The following THADA variants were observed in gnomAD, a reference collection of about 807,000 sequenced individuals.
THADA encodes THADA armadillo repeat containing, also known as tRNA (32-2'-O)-methyltransferase regulator THADA.
In THADA, 213 loss-of-function variants were observed where a neutral mutation model predicts 219.8. That is an observed-to-expected ratio of 0.97 (90% CI 0.87 to 1.09). The LOEUF is 1.09. Among genes scored for constraint, THADA ranks in the 50% least tolerant of loss-of-function variants. The pLI, the probability that THADA is intolerant of heterozygous loss-of-function variation, is 0.00. For synonymous variants in THADA, 1,018 were observed against 828.9 expected (o/e 1.23, Z -3.92); for missense variants, 2,956 against 2,311.3 (o/e 1.28, Z -5.72).
chr2:43,435,193 G>A (rs1406886819), intron 26 of THADA, among the ~76,000 whole-genome samples: 3 of 152,192 alleles, frequency 2.0e-5, no homozygotes, highest in African/African-American at 4.8e-5. Context: ...AGCGGCTCAC[G>A]ACTGTAATCC....
rs573866685 is a variant in THADA, at chr2:43,557,135, T to C, written c.2464-580A>G. 1.5e-3 allele frequency among the ~76,000 whole-genome samples: 234 copies of C among 152,240 alleles called. 4 individuals are homozygous for C. Among genetic ancestry groups the C allele is most frequent in the Admixed American group, 3.7e-3 (57 of 15,280 alleles). The stretch of plus-strand genomic sequence containing the variant: ...CAAAACAACACAGCCTGGCATATAA[T>C]TGTAAGTCAATATAAACATTAGTTT... On this transcript the variant is annotated intron_variant, in intron 16 of 37. Transcript: ENST00000405975.
intron 28 of THADA, among the ~76,000 whole-genome samples, chr2:43,408,619 A>C (rs376159161): frequency 3.9e-5 from 6 of 152,178 alleles, no homozygotes; most frequent in African/African-American, 1.2e-4. Flanking sequence ...ACATCCTCAA[A>C]TTAAAATATG....
intron 35 of THADA, 42 bp downstream of exon 35, chr2:43,286,866 A>G (rs1674082505): frequency 6.3e-7 from 1 of 1,584,436 alleles, no homozygotes; most frequent in African/African-American, 1.3e-5. Flanking sequence ...TTCATATTTT[A>G]AGTGAGTTTG....
chr2:43,406,097 C>A (rs149674429), intron 28 of THADA, among the ~76,000 whole-genome samples: 26 of 152,354 alleles, frequency 1.7e-4, no homozygotes, highest in African/African-American at 6.3e-4. Flanking sequence ...CCTCCATCAT[C>A]TGGACATCCC....
At chr2:43,558,497 A>G (rs1214529863) in intron 16 of THADA, among the ~76,000 whole-genome samples, 1 of 152,228 alleles carries the variant, frequency 6.6e-6, no homozygotes, top group East Asian at 1.9e-4. Flanking sequence ...AGGCAGATCC[A>G]TCCTCCACCT....
At chr2:43,268,110 T>C (rs1165378976) in intron 36 of THADA, among the ~76,000 whole-genome samples, 1 of 152,224 alleles carries the variant, frequency 6.6e-6, no homozygotes, top group African/African-American at 2.4e-5. Flanking sequence ...TCTCTGCCTC[T>C]GCTCCTGTAG....
At chr2:43,560,176 T>C (rs533610827) in intron 16 of THADA, 58 bp downstream of exon 16, 1 of 1,459,946 alleles carries the variant, frequency 6.8e-7, no homozygotes, top group South Asian at 1.3e-5. Flanking sequence ...GATTGCTTTA[T>C]CTGCTGATAG....
chr2:43,540,148 G>A (rs768419389), intron 21 of THADA, among the ~76,000 whole-genome samples: 2 of 152,218 alleles, frequency 1.3e-5, no homozygotes, highest in African/African-American at 4.8e-5. Flanking sequence ...CAGCAAAGAT[G>A]TTGGCATTGG....
intron 12 of THADA, 116 bp from the exon 13 acceptor site, chr2:43,571,978 A>T: frequency 1.2e-6 from 1 of 864,492 alleles, no homozygotes; most frequent in Non-Finnish European, 1.8e-6. Flanking sequence ...TCAGTTCACC[A>T]ATAGGTACCT....
intron 22 of THADA, among the ~76,000 whole-genome samples, chr2:43,526,607 A>C (rs6726643): frequency 0.11 from 16,115 of 152,180 alleles, 934 homozygotes; most frequent in African/African-American, 0.14. Context: ...TATCTTGTTC[A>C]AGTGTGTCGG....
intron 28 of THADA, among the ~76,000 whole-genome samples, chr2:43,410,342 T>C (rs1265567581): frequency 6.6e-6 from 1 of 152,168 alleles, no homozygotes; most frequent in Non-Finnish European, 1.5e-5. Context: ...TCTTAACAAG[T>C]TAAATATATA....
chr2:43,322,843 G>T (rs1411549227), intron 30 of THADA, among the ~76,000 whole-genome samples: 1 of 151,354 alleles, frequency 6.6e-6, no homozygotes, highest in African/African-American at 2.4e-5. Context: ...CCGCCGCCAC[G>T]CCCGGCTAAT....
chr2:43,291,458 A>C (rs1371219684), intron 34 of THADA, among the ~76,000 whole-genome samples: 1 of 138,824 alleles, frequency 7.2e-6, no homozygotes, highest in Non-Finnish European at 1.6e-5. Context: ...CCATCTCAAA[A>C]AAAAAAAAAA....
At chr2:43,282,992 G>C (rs1323258615) in intron 35 of THADA, among the ~76,000 whole-genome samples, 1 of 152,196 alleles carries the variant, frequency 6.6e-6, no homozygotes, top group East Asian at 1.9e-4. Context: ...TGTTGAATTG[G>C]AGTGGATGGT....
intron 1 of THADA, among the ~76,000 whole-genome samples, chr2:43,595,383 G>C (rs1286235745): frequency 6.6e-6 from 1 of 152,324 alleles, no homozygotes; most frequent in South Asian, 2.1e-4. Context: ...CGCTTCCTAA[G>C]AAAGTGACCA....
intron 36 of THADA, among the ~76,000 whole-genome samples, chr2:43,270,888 G>A (rs562164812): frequency 1.3e-4 from 20 of 152,194 alleles, no homozygotes; most frequent in African/African-American, 4.6e-4. Flanking sequence ...ATAAAATGGA[G>A]GAAATAATAA....
At chr2:43,375,725 C>G (rs949120114) in intron 29 of THADA, among the ~76,000 whole-genome samples, 8 of 152,286 alleles carry the variant, frequency 5.3e-5, no homozygotes, top group African/African-American at 1.9e-4. Flanking sequence ...GCTGGTTATT[C>G]TGACTTTCCT....
chr2:43,352,202 G>C (rs140566452), intron 29 of THADA, among the ~76,000 whole-genome samples: 189 of 152,188 alleles, frequency 1.2e-3, no homozygotes, highest in African/African-American at 4.4e-3. Context: ...TTCAACTACC[G>C]AGTTTTCTGA....
intron 26 of THADA, among the ~76,000 whole-genome samples, chr2:43,482,520 G>C (rs1479730359): frequency 1.3e-5 from 2 of 152,082 alleles, no homozygotes; most frequent in Admixed American, 1.3e-4. Flanking sequence ...TTACAGAGAA[G>C]AAAACCAAAG....
Sources: allele counts gnomAD v4.1 joint callset (sites outside exome capture counted in the v4.1 genomes callset), GRCh38; gene constraint gnomAD v4.1.1; transcripts MANE v1.5; gene names NCBI Gene and HGNC (gene_info 2026-07-23, HGNC 2026-07-21).